EPB41L3: variants seen among roughly 807,000 people sequenced by gnomAD.
The protein encoded by EPB41L3 is erythrocyte membrane protein band 4.1 like 3.
In EPB41L3, 57 loss-of-function variants were observed where a neutral mutation model predicts 127.1. That is an observed-to-expected ratio of 0.45 (90% CI 0.36 to 0.56). The LOEUF (loss-of-function observed/expected upper bound fraction) is 0.56. EPB41L3 is among the 20% of genes least tolerant of loss of function. EPB41L3 has a pLI of 0.00. For missense variants in EPB41L3, 1,273 were observed against 1,372.2 expected (o/e 0.93, Z 1.14); for synonymous variants, 572 against 549.5 (o/e 1.04, Z -0.57).
intron 3 of EPB41L3, among the ~76,000 whole-genome samples, chr18:5,560,939 A>C (rs1225036850): frequency 7.1e-6 from 1 of 141,650 alleles, no homozygotes; most frequent in African/African-American, 2.7e-5. Flanking sequence ...TCATAGTTGT[A>C]ATTATTTATT....
chr18:5,542,944 G>C (rs1352585844), intron 1 of EPB41L3, among the ~76,000 whole-genome samples: 1 of 152,130 alleles, frequency 6.6e-6, no homozygotes, highest in Non-Finnish European at 1.5e-5. Flanking sequence ...CACTCGCCAG[G>C]AACTGGCTGC....
In EPB41L3 at chr18:5,395,650, A is replaced by C. The variant is rs1309416955; in HGVS notation, c.3031T>G (p.Ser1011Ala). The change falls in exon 20 of 23, where the codon TCT becomes GCT. Residue 1011 changes from serine to alanine, a missense_variant. By Grantham distance (99) the Ser-to-Ala change is moderately conservative (BLOSUM62 1). Transcript: ENST00000341928. The stretch of plus-strand genomic sequence containing the variant: ...GTGGTGGTGGTACTGGTGGTTTCAG[A>C]TGTGATCGTCTGTGCACTCATCAGC... ...GVLMSAQTITSETTSTTTTTH... is the reference protein window; with the variant it reads ...GVLMSAQTITAETTSTTTTTH... The C allele has an allele frequency of 6.2e-7, 1 of 1,614,084 alleles. No individual in the cohort carries two copies. The highest frequency in any genetic ancestry group is 1.7e-5 in the Admixed American group (1 of 60,018).
At chr18:5,474,193 T>C (rs896610032) in intron 3 of EPB41L3, among the ~76,000 whole-genome samples, 2 of 151,080 alleles carry the variant, frequency 1.3e-5, no homozygotes, top group Non-Finnish European at 2.9e-5. Context: ...ATCGCGCCAC[T>C]GCACTCCAGC....
At chr18:5,427,931 G>A (rs2078443249) in intron 9 of EPB41L3, among the ~76,000 whole-genome samples, 1 of 152,166 alleles carries the variant, frequency 6.6e-6, no homozygotes, top group South Asian at 2.1e-4. Flanking sequence ...ATATTTAGTA[G>A]AGATGGCATT....
chr18:5,565,959 G>A (rs1308611384), intron 3 of EPB41L3, among the ~76,000 whole-genome samples: 6 of 151,852 alleles, frequency 4.0e-5, no homozygotes, highest in East Asian at 1.9e-4. Flanking sequence ...TTGATGGGAC[G>A]TATCTCAAAA....
intron 9 of EPB41L3, among the ~76,000 whole-genome samples, chr18:5,426,572 C>A (rs1403805614): frequency 6.6e-6 from 1 of 152,194 alleles, no homozygotes; most frequent in Non-Finnish European, 1.5e-5. Context: ...AGTTGTGTCA[C>A]ATCCTGATTT....
At chr18:5,590,260 G>A (rs1248253700) in intron 3 of EPB41L3, among the ~76,000 whole-genome samples, 1 of 152,092 alleles carries the variant, frequency 6.6e-6, no homozygotes, top group Non-Finnish European at 1.5e-5. Context: ...TCTGTTTGAG[G>A]TCCCAGTGCA....
chr18:5,616,396 C>T (rs915772075), intron 1 of EPB41L3, among the ~76,000 whole-genome samples: 5 of 152,000 alleles, frequency 3.3e-5, no homozygotes, highest in African/African-American at 4.8e-5. Context: ...AGAACTGGAG[C>T]GATCACTAAA....
At chr18:5,510,604 CT>C (rs959536485) in intron 1 of EPB41L3, among the ~76,000 whole-genome samples, 1 of 152,174 alleles carries the variant, frequency 6.6e-6, no homozygotes, top group African/African-American at 2.4e-5. Flanking sequence ...TATTTCTGGA[CT>C]ATCAGTTCCA....
chr18:5,590,761 T>A (rs561226595), intron 3 of EPB41L3, among the ~76,000 whole-genome samples: 1 of 152,210 alleles, frequency 6.6e-6, no homozygotes, highest in Non-Finnish European at 1.5e-5. Flanking sequence ...ACAACTTGCA[T>A]GAATCTCAAA....
Position 5,417,733 on chromosome 18 carries a change from T to C in EPB41L3, c.1507-1355A>G, listed in dbSNP as rs78504830. On this transcript the variant is annotated intron_variant, in intron 12 of 22. Coordinates refer to ENST00000341928, the MANE Select transcript of EPB41L3 (RefSeq NM_012307.5). Reference sequence around the variant, plus strand: ...AAATAAAATCGTAGCTCTTCGGCCTTTGAAGGGTCTCTTTTTACGATGAGA... The same window carrying C: ...AAATAAAATCGTAGCTCTTCGGCCTCTGAAGGGTCTCTTTTTACGATGAGA... Among the ~76,000 whole-genome samples, 1,276 of 152,304 alleles carry C rather than the reference T, an allele frequency of 8.4e-3. 18 individuals are homozygous for C. The highest frequency in any genetic ancestry group is 0.029 in the African/African-American group (1,208 of 41,556).
chr18:5,551,781 G>A (rs1241402684), intron 3 of EPB41L3, among the ~76,000 whole-genome samples: 2 of 152,080 alleles, frequency 1.3e-5, no homozygotes, highest in Non-Finnish European at 1.5e-5. Flanking sequence ...AGGTACATGT[G>A]GACTTATACA....
At chr18:5,484,572 T>C (rs746355508) in intron 2 of EPB41L3, among the ~76,000 whole-genome samples, 6 of 150,068 alleles carry the variant, frequency 4.0e-5, no homozygotes, top group Admixed American at 6.6e-5. Flanking sequence ...TTTGAACAGA[T>C]AAACAAAATA....
chr18:5,425,204 A>T (rs2078006292), intron 9 of EPB41L3, among the ~76,000 whole-genome samples: 1 of 152,186 alleles, frequency 6.6e-6, no homozygotes, highest in East Asian at 1.9e-4. Flanking sequence ...TTATATGGCA[A>T]AGAACCGAGG....
intron 3 of EPB41L3, among the ~76,000 whole-genome samples, chr18:5,599,041 G>A (rs995411873): frequency 3.3e-5 from 5 of 152,164 alleles, no homozygotes; most frequent in Admixed American, 6.5e-5. Flanking sequence ...CGATGCAGAA[G>A]AACAAACATG....
At chr18:5,564,712 A>T (rs1054513708) in intron 3 of EPB41L3, among the ~76,000 whole-genome samples, 3 of 152,154 alleles carry the variant, frequency 2.0e-5, no homozygotes, top group Non-Finnish European at 4.4e-5. Context: ...TCAGCTTTTC[A>T]TCTCAGTGCC....
intron 3 of EPB41L3, among the ~76,000 whole-genome samples, chr18:5,589,620 T>C (rs1393265461): frequency 6.6e-6 from 1 of 152,242 alleles, no homozygotes; most frequent in Non-Finnish European, 1.5e-5. Context: ...CCATTGTTTA[T>C]ATATACCCCA....
chr18:5,526,478 AG>A (rs1041957904), intron 1 of EPB41L3, among the ~76,000 whole-genome samples: 2 of 152,218 alleles, frequency 1.3e-5, no homozygotes, highest in Non-Finnish European at 2.9e-5. Context: ...CACTGACATC[AG>A]GAAGAAAGGA....
At chr18:5,572,600 G>T (rs890849486) in intron 3 of EPB41L3, among the ~76,000 whole-genome samples, 7 of 152,134 alleles carry the variant, frequency 4.6e-5, no homozygotes, top group Non-Finnish European at 5.9e-5. Context: ...TAGAGACAGG[G>T]TCTCACTCTG....
Sources: allele counts gnomAD v4.1 joint callset (sites outside exome capture counted in the v4.1 genomes callset), GRCh38; gene constraint gnomAD v4.1.1; transcripts MANE v1.5; gene names NCBI Gene and HGNC (gene_info 2026-07-23, HGNC 2026-07-21).